Variants in FRMD5 observed in about 807,000 individuals in gnomAD.
The protein encoded by FRMD5 is FERM domain containing 5.
Under a neutral mutation model 69.0 loss-of-function variants are expected in FRMD5, and 20 were observed. The ratio of observed to expected loss-of-function variants is 0.29; its 90% CI spans 0.20 to 0.42. The LOEUF (loss-of-function observed/expected upper bound fraction) is 0.42. Ranked by LOEUF, FRMD5 falls within the 10% of genes least tolerant of loss-of-function variation. FRMD5 has a pLI of 1.00. For synonymous variants in FRMD5, 271 were observed against 260.1 expected (o/e 1.04, Z -0.40); for missense variants, 595 against 708.6 (o/e 0.84, Z 1.82).
chr15:43,880,063 A>G (rs1012872828), intron 13 of FRMD5, among the ~76,000 whole-genome samples: 3 of 152,182 alleles, frequency 2.0e-5, no homozygotes, highest in African/African-American at 7.2e-5. Flanking sequence ...CCCAGAGGGT[A>G]AGGGGAATCA....
chr15:44,012,439 A>T (rs1403165760), intron 1 of FRMD5, among the ~76,000 whole-genome samples: 1 of 152,234 alleles, frequency 6.6e-6, no homozygotes, highest in Non-Finnish European at 1.5e-5. Context: ...TCAAGTCTAT[A>T]GTAGAATACG....
At chr15:43,959,942 A>T (rs919017682) in intron 1 of FRMD5, among the ~76,000 whole-genome samples, 37 of 152,140 alleles carry the variant, frequency 2.4e-4, no homozygotes, top group African/African-American at 8.9e-4. Context: ...TTTGAGACGG[A>T]GTTTCGCTCT....
At chr15:44,133,197 T>C (rs1490566745) in intron 1 of FRMD5, among the ~76,000 whole-genome samples, 4 of 133,022 alleles carry the variant, frequency 3.0e-5, no homozygotes. Flanking sequence ...CTGGCGACAC[T>C]GCGAGACTCC....
intron 1 of FRMD5, among the ~76,000 whole-genome samples, chr15:44,135,453 T>C (rs1283159208): frequency 3.9e-5 from 6 of 152,182 alleles, no homozygotes; most frequent in Non-Finnish European, 5.9e-5. Context: ...AACATAGACA[T>C]GTTTTATTGC....
intron 13 of FRMD5, among the ~76,000 whole-genome samples, chr15:43,880,792 C>T (rs550622893): frequency 2.3e-4 from 35 of 152,342 alleles, no homozygotes; most frequent in Admixed American, 2.1e-3. Flanking sequence ...AGGAAGTGCC[C>T]TGGCCCTAGG....
chr15:44,100,358 A>G (rs941727963), intron 1 of FRMD5, among the ~76,000 whole-genome samples: 4 of 151,690 alleles, frequency 2.6e-5, no homozygotes, highest in Admixed American at 6.6e-5. Context: ...TGCCAGGCCA[A>G]CTAATAGCTT....
chr15:43,878,682 C>T (rs965823463), intron 13 of FRMD5, among the ~76,000 whole-genome samples: 3 of 152,156 alleles, frequency 2.0e-5, no homozygotes, highest in Non-Finnish European at 4.4e-5. Flanking sequence ...TTGCATAGGG[C>T]GCCTGCCACC....
At chr15:43,909,226 C>G (rs2089238877) in intron 5 of FRMD5, among the ~76,000 whole-genome samples, 2 of 151,718 alleles carry the variant, frequency 1.3e-5, no homozygotes, top group South Asian at 4.2e-4. Context: ...GAAACTCCAT[C>G]TCTACTAAAA....
chr15:44,011,581 G>T (rs1370670655), intron 1 of FRMD5, among the ~76,000 whole-genome samples: 1 of 152,192 alleles, frequency 6.6e-6, no homozygotes, highest in Non-Finnish European at 1.5e-5. Flanking sequence ...GGTCTGGATT[G>T]CTGAAGCTAT....
intron 1 of FRMD5, among the ~76,000 whole-genome samples, chr15:43,954,098 C>T (rs1595555741): frequency 6.6e-6 from 1 of 152,166 alleles, no homozygotes; most frequent in Non-Finnish European, 1.5e-5. Context: ...AAGCAAGCTA[C>T]CTGGCCAAGC....
chr15:43,984,898 C>T (rs759772063), intron 1 of FRMD5, among the ~76,000 whole-genome samples: 4 of 151,088 alleles, frequency 2.6e-5, no homozygotes, highest in Admixed American at 6.6e-5. Context: ...GTGGGAGAAT[C>T]GCTTGAACCT....
chr15:43,922,539 A>T (rs1252925968), intron 2 of FRMD5, among the ~76,000 whole-genome samples: 2 of 152,098 alleles, frequency 1.3e-5, no homozygotes, highest in African/African-American at 4.8e-5. Flanking sequence ...CCACATCCAC[A>T]TATTCTCTTA....
chr15:43,936,955 C>T (rs2089771859), intron 1 of FRMD5, among the ~76,000 whole-genome samples: 1 of 152,016 alleles, frequency 6.6e-6, no homozygotes, highest in African/African-American at 2.4e-5. Flanking sequence ...AAGCTCAATG[C>T]TGGAAAAAAC....
chr15:44,063,496 C>A, intron 1 of FRMD5: 1 of 332,470 alleles, frequency 3.0e-6, no homozygotes, highest in South Asian at 2.7e-5. Context: ...GGGCCAGCTG[C>A]ACCCCTGGGA....
chr15:44,162,233 G>T (rs996646314), intron 1 of FRMD5, among the ~76,000 whole-genome samples: 1 of 150,112 alleles, frequency 6.7e-6, no homozygotes, highest in African/African-American at 2.4e-5. Context: ...CAAAGTGCTG[G>T]GATTACAGGT....
In FRMD5 at chr15:43,883,700, C is replaced by A; in HGVS notation, c.1135+3G>T. The A allele has an allele frequency of 6.2e-7, 1 of 1,601,888 alleles. No homozygotes were observed. Among genetic ancestry groups the A allele is most frequent in the South Asian group, 1.1e-5 (1 of 89,576 alleles). On this transcript the variant is annotated splice_donor_region_variant and intron_variant, in intron 13 of 13. Transcript: ENST00000417257. ...GTGGTCACCTCAAGAAGCTCATGCT[C>A]ACCTTCCATGATGGAGATGTGAACA... is the stretch of plus-strand genomic sequence containing the variant.
intron 1 of FRMD5, among the ~76,000 whole-genome samples, chr15:44,068,717 G>T (rs916252661): frequency 3.3e-5 from 5 of 152,158 alleles, no homozygotes; most frequent in African/African-American, 1.2e-4. Flanking sequence ...AAAACCCACT[G>T]ATTTGTATAC....
chr15:44,092,356 T>G (rs2076485057), intron 1 of FRMD5, among the ~76,000 whole-genome samples: 1 of 152,212 alleles, frequency 6.6e-6, no homozygotes, highest in African/African-American at 2.4e-5. Flanking sequence ...CTATAACTCA[T>G]TCTATTTGGT....
At chr15:44,045,398 G>C (rs893153738) in intron 1 of FRMD5, among the ~76,000 whole-genome samples, 1 of 152,080 alleles carries the variant, frequency 6.6e-6, no homozygotes, top group Non-Finnish European at 1.5e-5. Context: ...TAGCTGTTAA[G>C]TTCTGACATT....
Sources: allele counts gnomAD v4.1 joint callset (sites outside exome capture counted in the v4.1 genomes callset), GRCh38; gene constraint gnomAD v4.1.1; transcripts MANE v1.5; gene names NCBI Gene and HGNC (gene_info 2026-07-23, HGNC 2026-07-21).